The following IFT57 variants were observed in gnomAD, a reference collection of about 807,000 sequenced individuals.
IFT57 encodes the protein intraflagellar transport protein 57 homolog.
In IFT57, 59 loss-of-function variants were observed where a neutral mutation model predicts 56.8. The ratio of observed to expected loss-of-function variants is 1.04; its 90% CI spans 0.84 to 1.29. The LOEUF is 1.29. Among genes scored for constraint, IFT57 ranks in the 50% most tolerant of loss-of-function variants. The pLI is 0.00. For synonymous variants in IFT57, 209 were observed against 186.1 expected, an observed-to-expected ratio of 1.12 and a Z score of -1.00; for missense variants, 470 against 522.1, an observed-to-expected ratio of 0.90 and a Z score of 0.97.
intron 6 of IFT57, among the ~76,000 whole-genome samples, chr3:108,182,284 A>G (rs575852534): frequency 6.6e-6 from 1 of 152,060 alleles, no homozygotes; most frequent in Admixed American, 6.6e-5. Context: ...TTGTTTCTAG[A>G]GGATACAGAT....
intron 2 of IFT57, among the ~76,000 whole-genome samples, chr3:108,219,107 C>T (rs1434350161): frequency 1.2e-5 from 1 of 80,042 alleles, no homozygotes; most frequent in African/African-American, 3.9e-5. Flanking sequence ...AGTGTTTTGG[C>T]TTTGTAGGAT....
At chr3:108,162,699 T>TA in intron 10 of IFT57, 44 bp from the exon 11 acceptor site, 1 of 1,454,682 alleles carries the variant, frequency 6.9e-7, no homozygotes, top group Non-Finnish European at 9.3e-7. Flanking sequence ...TCATTTGGAG[T>TA]ATCAGTGTAT....
intron 6 of IFT57, among the ~76,000 whole-genome samples, chr3:108,189,061 A>G (rs1252355033): frequency 6.6e-6 from 1 of 152,204 alleles, no homozygotes; most frequent in Non-Finnish European, 1.5e-5. Context: ...TATGAAAAGA[A>G]TTTGTTCTGA....
In IFT57 at chr3:108,199,787, TTGGGTTTGCTG is replaced by T. The variant is rs201065497; in HGVS notation, c.654+6830_654+6840del. Among the ~76,000 whole-genome samples the T allele has an allele frequency of 6.3e-3, 965 of 152,266 alleles. 33 individuals carry two copies. Among genetic ancestry groups the T allele is most frequent in the Admixed American group, 0.058 (892 of 15,284 alleles). Reference sequence around the variant, plus strand: ...TAGATTTATGGGTTTTTGTAGATTTTTGGGTTTGCTGTGGGACTAAATGGGGCAAGGTGATA... The same window carrying T: ...TAGATTTATGGGTTTTTGTAGATTTTTGGGACTAAATGGGGCAAGGTGATA... On this transcript the variant is annotated intron_variant, in intron 5 of 10. Transcript: ENST00000264538.
chr3:108,205,768 A>G (rs917347504), intron 5 of IFT57, among the ~76,000 whole-genome samples: 7 of 143,176 alleles, frequency 4.9e-5, no homozygotes, highest in South Asian at 2.1e-4. Context: ...TATATAATAT[A>G]TAAAATATTA....
rs1366334237 is a variant in IFT57 at position 108,165,445 on chromosome 3, T to TGA, written c.1029_1030insTC (p.Arg344SerfsTer11). 1 of 1,612,538 alleles carries TGA rather than the reference T, an allele frequency of 6.2e-7. No homozygotes were observed. The highest frequency in any genetic ancestry group is 1.7e-5 in the Admixed American group (1 of 59,846). On this transcript the variant is annotated frameshift_variant, in exon 9 of 11. Transcript: ENST00000264538. LOFTEE classifies it high-confidence loss of function. ...TCAGTGTGTACCTCAGAGAGGAGTC[T>TGA]GGTTCTTTCCGTCACTCCTCCATTT...
intron 6 of IFT57, among the ~76,000 whole-genome samples, chr3:108,181,732 C>G (rs1240897191): frequency 6.6e-6 from 1 of 152,070 alleles, no homozygotes; most frequent in Non-Finnish European, 1.5e-5. Context: ...TGTCTGGCAG[C>G]AATAGATACA....
chr3:108,173,808 G>GTGTGTGTGTGTA lies in IFT57; in HGVS notation c.778-5945_778-5944insTACACACACACA, dbSNP rs771647277. On this transcript the variant is annotated intron_variant, in intron 6 of 10. Coordinates refer to ENST00000264538, the MANE Select transcript of IFT57 (RefSeq NM_018010.4). ...TGTGTGTGTGTGTGTGTGTGTGTGTGTATATAATATAGTATATTATATACA... is the reference window on the plus strand; with the variant it reads ...TGTGTGTGTGTGTGTGTGTGTGTGTGTGTGTGTGTGTATATATAATATAGTATATTATATACA... Among the ~76,000 whole-genome samples, 105 of 127,112 alleles carry GTGTGTGTGTGTA rather than the reference G, an allele frequency of 8.3e-4. 1 individual carries two copies. Among genetic ancestry groups the GTGTGTGTGTGTA allele is most frequent in the Middle Eastern group, 4.7e-3 (1 of 214 alleles). 83.4% of individuals were successfully genotyped at this position (127,112 alleles called of 152,430 possible). A position where few individuals can be genotyped will look rare whatever the true frequency, so the allele number is the denominator to read the frequency against.
In IFT57 at chr3:108,219,461, A is replaced by C. The variant is rs1175085015; in HGVS notation, c.324T>G (p.Tyr108Ter). ...TAGATATTGTTGCATTAGGGTCATCATATTCTTGAGGCTGCTCAAAGGGAC... is the reference window on the plus strand; with the variant it reads ...TAGATATTGTTGCATTAGGGTCATCCTATTCTTGAGGCTGCTCAAAGGGAC... ...AGRPFEQPQE[Y>*]DDPNATISNI... Residue 108 changes from tyrosine (Y) to a stop codon, truncating the protein, a stop_gained, in exon 2 of 11, where the codon TAT becomes TAG. Transcript: ENST00000264538. LOFTEE classifies it high-confidence loss of function. 6.2e-7 allele frequency: 1 copy of C among 1,613,958 alleles called. No homozygotes were observed.
intron 6 of IFT57, among the ~76,000 whole-genome samples, chr3:108,186,712 C>A (rs1048465942): frequency 6.6e-6 from 1 of 152,066 alleles, no homozygotes; most frequent in African/African-American, 2.4e-5. Context: ...GCCTCTCCTG[C>A]CTCCCCTTCC....
intron 4 of IFT57, among the ~76,000 whole-genome samples, chr3:108,212,394 T>C (rs1454218360): frequency 6.6e-6 from 1 of 152,050 alleles, no homozygotes; most frequent in Non-Finnish European, 1.5e-5. Flanking sequence ...AATGGTGATA[T>C]AGTTTGGATA....
intron 6 of IFT57, among the ~76,000 whole-genome samples, chr3:108,179,965 A>G (rs2080143566): frequency 6.6e-6 from 1 of 152,010 alleles, no homozygotes; most frequent in South Asian, 2.1e-4. Flanking sequence ...ATGTGGGAAT[A>G]ATCATGATCG....
intron 6 of IFT57, among the ~76,000 whole-genome samples, chr3:108,179,806 T>C (rs1023080211): frequency 6.6e-6 from 1 of 152,054 alleles, no homozygotes; most frequent in African/African-American, 2.4e-5. Flanking sequence ...GACATTTTTT[T>C]CTTCCATTGC....
chr3:108,185,694 G>A lies in IFT57; in HGVS notation c.777+5827C>T, dbSNP rs189580623. Among the ~76,000 whole-genome samples, 306 of 151,928 alleles carry A rather than the reference G, an allele frequency of 2.0e-3. 2 individuals are homozygous for A. The highest frequency in any genetic ancestry group is 4.0e-3 in the Non-Finnish European group (274 of 67,986). ...CTGCCAGCACTAGGATTTAAAGCAG[G>A]AAGGGATAAGCTAATTCTACTATTT... is the stretch of plus-strand genomic sequence containing the variant. On this transcript the variant is annotated intron_variant, in intron 6 of 10. Coordinates refer to ENST00000264538, the MANE Select transcript of IFT57 (RefSeq NM_018010.4).
chr3:108,218,481 A>T, intron 3 of IFT57, 54 bp downstream of exon 3: 1 of 750,452 alleles, frequency 1.3e-6, no homozygotes, highest in Non-Finnish European at 2.2e-6. Context: ...CTGTACCCTC[A>T]GAGGCAAATG....
rs183498684 is a variant in IFT57 at position 108,186,960 on chromosome 3, T to C, written c.777+4561A>G. Reference sequence around the variant, plus strand: ...AATACAGAATATAATACATATAACATACAAAATATCTGTTAATTGTGTATG... The same window carrying C: ...AATACAGAATATAATACATATAACACACAAAATATCTGTTAATTGTGTATG... On this transcript the variant is annotated intron_variant, in intron 6 of 10. Transcript: ENST00000264538. 6.6e-5 allele frequency among the ~76,000 whole-genome samples: 10 copies of C among 152,326 alleles called. 1 individual carries two copies. The East Asian group carries it at 1.9e-3, about 29-fold the overall frequency.
chr3:108,206,972 G>C (rs2080317447), intron 4 of IFT57, among the ~76,000 whole-genome samples: 1 of 152,030 alleles, frequency 6.6e-6, no homozygotes, highest in Non-Finnish European at 1.5e-5. Flanking sequence ...GAAAGGAAGG[G>C]AGCCATTGCT....
intron 6 of IFT57, among the ~76,000 whole-genome samples, chr3:108,175,124 C>T (rs985578488): frequency 1.3e-5 from 2 of 151,606 alleles, no homozygotes; most frequent in Admixed American, 6.6e-5. Flanking sequence ...TAAGATAAAC[C>T]GAGAATTCTT....
In IFT57 at chr3:108,219,548, G is replaced by A. The variant is rs1420877915; in HGVS notation, c.237C>T (p.Asn79=). 6.2e-7 allele frequency: 1 copy of A among 1,613,950 alleles called. No individual in the cohort carries two copies. Among genetic ancestry groups the A allele is most frequent in the African/African-American group, 1.3e-5 (1 of 75,032 alleles). ...PSRHYFALPT[N]PGEQFYMFCT... ...AAAACATGTAGAACTGTTCGCCAGG[G>A]TTGGTAGGCAGTGCAAAATAGTGTC... The change falls in exon 2 of 11, where the codon AAC becomes AAT. Residue 79 remains asparagine (N), a synonymous_variant. Coordinates refer to ENST00000264538, the MANE Select transcript of IFT57 (RefSeq NM_018010.4).
Sources: gnomAD v4.1 joint callset for allele counts (sites outside exome capture counted in the v4.1 genomes callset) on GRCh38, gnomAD v4.1.1 for gene constraint, MANE v1.5 for transcripts, NCBI Gene and HGNC (gene_info 2026-07-23, HGNC 2026-07-21) for gene names.